The following TNNI3K variants were observed in gnomAD, a reference collection of about 807,000 sequenced individuals.
The protein encoded by TNNI3K is TNNI3 interacting kinase, also known as serine/threonine-protein kinase TNNI3K.
TNNI3K carries 140 observed loss-of-function variants against 114.5 expected under a neutral mutation model. The observed-to-expected ratio is 1.22, with a 90% CI of 1.07 to 1.41. The LOEUF is 1.41. Among genes scored for constraint, TNNI3K ranks in the 40% most tolerant of loss-of-function variants. The pLI is 0.00. For synonymous variants in TNNI3K, 347 were observed against 347.5 expected (o/e 1.00, Z 0.02); for missense variants, 1,125 against 1,007.6 (o/e 1.12, Z -1.58).
intron 4 of TNNI3K, among the ~76,000 whole-genome samples, chr1:74,268,865 C>T (rs1656177831): frequency 6.6e-6 from 1 of 151,820 alleles, no homozygotes; most frequent in African/African-American, 2.4e-5. Flanking sequence ...ATCTCTCTAT[C>T]ATTAATTTCC....
At chr1:74,340,826 T>A (rs185001259) in intron 7 of TNNI3K, among the ~76,000 whole-genome samples, 1 of 152,262 alleles carries the variant, frequency 6.6e-6, no homozygotes, top group Non-Finnish European at 1.5e-5. Context: ...TAGAACAGCA[T>A]GTGAACAAAG....
chr1:74,368,754 C>G, intron 13 of TNNI3K, among the ~76,000 whole-genome samples: 1 of 151,664 alleles, frequency 6.6e-6, no homozygotes, highest in East Asian at 2.0e-4. Flanking sequence ...ACCCTTAGCC[C>G]TGGTAACCAG....
At chr1:74,501,633 C>G (rs1179544530) in intron 23 of TNNI3K, among the ~76,000 whole-genome samples, 4 of 152,010 alleles carry the variant, frequency 2.6e-5, no homozygotes, top group African/African-American at 9.7e-5. Flanking sequence ...ATTACAGGCA[C>G]GCACTACCAC....
intron 23 of TNNI3K, among the ~76,000 whole-genome samples, chr1:74,532,759 T>C (rs1183768570): frequency 4.6e-5 from 7 of 151,782 alleles, no homozygotes; most frequent in Non-Finnish European, 2.9e-5. Context: ...GAAATAATGC[T>C]GCATATCTAC....
chr1:74,291,558 T>C (rs1004736162), intron 5 of TNNI3K, among the ~76,000 whole-genome samples: 6 of 151,540 alleles, frequency 4.0e-5, no homozygotes, highest in Admixed American at 1.3e-4. Flanking sequence ...AATAACTTAA[T>C]GTAGGTCACA....
intron 17 of TNNI3K, among the ~76,000 whole-genome samples, chr1:74,428,410 A>G (rs1260707777): frequency 2.0e-5 from 3 of 152,126 alleles, no homozygotes; most frequent in Admixed American, 6.6e-5. Context: ...TCATAAAATA[A>G]TAACATCACA....
chr1:74,446,415 A>T (rs1666681366), intron 20 of TNNI3K, among the ~76,000 whole-genome samples: 1 of 150,442 alleles, frequency 6.6e-6, no homozygotes, highest in African/African-American at 2.5e-5. Context: ...AATTTGTTTG[A>T]ATTCATTGTA....
intron 23 of TNNI3K, among the ~76,000 whole-genome samples, chr1:74,514,506 AT>A (rs1168506679): frequency 6.6e-6 from 1 of 152,212 alleles, no homozygotes; most frequent in Non-Finnish European, 1.5e-5. Flanking sequence ...TCTTGATAGA[AT>A]TTATTGAGAA....
intron 4 of TNNI3K, among the ~76,000 whole-genome samples, chr1:74,269,917 C>T (rs2100890337): frequency 6.6e-6 from 1 of 151,404 alleles, no homozygotes; most frequent in East Asian, 1.9e-4. Context: ...AAAGAATAGG[C>T]AACAAAAAGG....
At chr1:74,261,935 A>G (rs1012956511) in intron 4 of TNNI3K, among the ~76,000 whole-genome samples, 1 of 152,076 alleles carries the variant, frequency 6.6e-6, no homozygotes, top group African/African-American at 2.4e-5. Flanking sequence ...AATTAAACCT[A>G]TGTTGCCTGG....
At chr1:74,237,263 C>G (rs1653914986) in intron 2 of TNNI3K, among the ~76,000 whole-genome samples, 1 of 151,910 alleles carries the variant, frequency 6.6e-6, no homozygotes, top group African/African-American at 2.4e-5. Context: ...TACCACTGAT[C>G]TGACTTTTGC....
rs1054693641 is a variant in TNNI3K at position 74,396,530 on chromosome 1, A to G, written c.1772+26138A>G. Reference sequence around the variant, plus strand: ...TACTTGGGCTGAGATAATGTCAATCATGAATATTCTGTTTACTGGGGAAGA... The same window carrying G: ...TACTTGGGCTGAGATAATGTCAATCGTGAATATTCTGTTTACTGGGGAAGA... On this transcript the variant is annotated intron_variant, in intron 17 of 24. Transcript: ENST00000326637. Among the ~76,000 whole-genome samples, 11 of 152,364 alleles carry G rather than the reference A, an allele frequency of 7.2e-5. No individual in the cohort carries two copies. In the South Asian group the frequency reaches 8.3e-4, roughly 11 times the overall value.
At chr1:74,517,996 C>T (rs970183849) in intron 23 of TNNI3K, among the ~76,000 whole-genome samples, 1 of 152,134 alleles carries the variant, frequency 6.6e-6, no homozygotes, top group African/African-American at 2.4e-5. Context: ...GGTCAGCATA[C>T]GGTGGGAAGT....
At chr1:74,480,975 G>A (rs1278303296) in intron 21 of TNNI3K, 1 of 700,336 alleles carries the variant, frequency 1.4e-6, no homozygotes, top group Non-Finnish European at 2.7e-6. Flanking sequence ...GCTGCTGTGG[G>A]GAAAAAAGCA....
intron 19 of TNNI3K, 127 bp downstream of exon 19, chr1:74,436,653 G>C (rs759100267): frequency 2.8e-5 from 26 of 913,934 alleles, no homozygotes; most frequent in Non-Finnish European, 3.1e-5. Context: ...TGGGATAATG[G>C]CTTATGTCTT....
intron 4 of TNNI3K, among the ~76,000 whole-genome samples, chr1:74,263,642 G>A (rs184805030): frequency 2.6e-5 from 4 of 151,798 alleles, no homozygotes; most frequent in Admixed American, 6.6e-5. Context: ...TATAAAAATG[G>A]GTTGAAAATA....
chr1:74,380,795 A>T (rs964343574), intron 17 of TNNI3K, among the ~76,000 whole-genome samples: 1 of 152,084 alleles, frequency 6.6e-6, no homozygotes, highest in African/African-American at 2.4e-5. Flanking sequence ...AATGATATTA[A>T]TGCTGCCGTG....
At chr1:74,493,363 A>C (rs1557604584) in intron 23 of TNNI3K, among the ~76,000 whole-genome samples, 1 of 152,164 alleles carries the variant, frequency 6.6e-6, no homozygotes, top group Non-Finnish European at 1.5e-5. Flanking sequence ...TGCTATGTGA[A>C]CTTTACCTCG....
intron 24 of TNNI3K, chr1:74,541,504 T>C (rs1334832693): frequency 6.6e-6 from 1 of 152,206 alleles, no homozygotes; most frequent in Non-Finnish European, 1.5e-5. Context: ...ATTTTTTTAA[T>C]AGACATAATA....
Sources: gnomAD v4.1 joint callset for allele counts (sites outside exome capture counted in the v4.1 genomes callset) on GRCh38, gnomAD v4.1.1 for gene constraint, MANE v1.5 for transcripts, NCBI Gene and HGNC (gene_info 2026-07-23, HGNC 2026-07-21) for gene names.